Variants in PPP3CB observed in about 807,000 individuals in gnomAD.
PPP3CB encodes protein phosphatase 3 catalytic subunit beta.
In PPP3CB, 8 loss-of-function variants were observed where a neutral mutation model predicts 66.4. The observed-to-expected ratio is 0.12, with a 90% confidence interval of 0.07 to 0.22. The LOEUF (loss-of-function observed/expected upper bound fraction) is 0.22. PPP3CB is among the 10% of genes least tolerant of loss of function. The probability of loss-of-function intolerance (pLI) is 1.00; values close to 1 mark genes in which losing one functional copy is unlikely to be tolerated. For missense variants in PPP3CB, 319 were observed against 642.5 expected (o/e 0.50, Z 5.44); for synonymous variants, 208 against 221.2 (o/e 0.94, Z 0.53).
chr10:73,480,362 C>G (rs1017324641), intron 1 of PPP3CB, among the ~76,000 whole-genome samples: 1 of 151,924 alleles, frequency 6.6e-6, no homozygotes, highest in South Asian at 2.1e-4. Context: ...AAATCATACT[C>G]ATTTCCACCT....
chr10:73,437,010 G>C lies in PPP3CB; in HGVS notation c.*1232C>G, dbSNP rs1427103781. Reference sequence around the variant, plus strand: ...AGGGAAGCAGGCCACCAAAGTAAAGGGAAATACCAAACTACAGTGGCAATC... The same window carrying C: ...AGGGAAGCAGGCCACCAAAGTAAAGCGAAATACCAAACTACAGTGGCAATC... On this transcript the variant is annotated 3_prime_UTR_variant, in exon 14 of 14. Coordinates refer to ENST00000360663, the MANE Select transcript of PPP3CB (RefSeq NM_021132.4). The C allele has an allele frequency of 1.3e-5, 2 of 152,578 alleles. No homozygotes were observed. Among genetic ancestry groups the C allele is most frequent in the Non-Finnish European group, 2.9e-5 (2 of 68,032 alleles). 9.5% of individuals were successfully genotyped at this position (152,578 alleles called of 1,614,324 possible).
intron 13 of PPP3CB, 100 bp from the exon 14 acceptor site, chr10:73,438,520 G>GT: frequency 1.9e-6 from 2 of 1,030,202 alleles, no homozygotes; most frequent in East Asian, 2.5e-5. Context: ...ATTAGTAGCT[G>GT]TAAGTAGCAA....
intron 3 of PPP3CB, 145 bp from the exon 4 acceptor site, chr10:73,475,175 A>C: frequency 8.6e-7 from 1 of 1,164,622 alleles, no homozygotes; most frequent in African/African-American, 1.6e-5. Flanking sequence ...CCACAAAATC[A>C]CAGATTTTGT....
chr10:73,479,551 A>T, intron 1 of PPP3CB, 34 bp from the exon 2 acceptor site: 1 of 1,575,218 alleles, frequency 6.3e-7, no homozygotes, highest in South Asian at 1.1e-5. Context: ...AAGATAAGTC[A>T]CCAAAAATAC....
chr10:73,450,994 A>G (rs1259406421), intron 10 of PPP3CB, among the ~76,000 whole-genome samples: 2 of 152,158 alleles, frequency 1.3e-5, no homozygotes, highest in Non-Finnish European at 2.9e-5. Context: ...TCATTAGAAT[A>G]TAATAAAATT....
intron 1 of PPP3CB, among the ~76,000 whole-genome samples, chr10:73,480,137 T>C (rs1377869328): frequency 6.6e-6 from 1 of 152,212 alleles, no homozygotes; most frequent in African/African-American, 2.4e-5. Context: ...CTTTTAGAGA[T>C]ATAGACCAAA....
intron 12 of PPP3CB, 127 bp from the exon 13 acceptor site, chr10:73,440,028 T>A (rs2056120552): frequency 1.0e-6 from 1 of 996,220 alleles, no homozygotes; most frequent in Non-Finnish European, 1.5e-6. Context: ...CATTTAAAAT[T>A]TAACATAAAT....
At chr10:73,449,955 C>T (rs2132806298) in intron 10 of PPP3CB, among the ~76,000 whole-genome samples, 1 of 152,250 alleles carries the variant, frequency 6.6e-6, no homozygotes, top group East Asian at 1.9e-4. Flanking sequence ...ACCACCATGC[C>T]TGGCTAATTT....
intron 9 of PPP3CB, among the ~76,000 whole-genome samples, chr10:73,460,717 T>C (rs2056506760): frequency 6.6e-6 from 1 of 152,126 alleles, no homozygotes; most frequent in Non-Finnish European, 1.5e-5. Flanking sequence ...GAGGAAAGAA[T>C]AGTTTTGGGG....
intron 3 of PPP3CB, among the ~76,000 whole-genome samples, chr10:73,477,919 A>C (rs2056817841): frequency 6.6e-6 from 1 of 152,170 alleles, no homozygotes; most frequent in African/African-American, 2.4e-5. Context: ...CCTGTCTCAA[A>C]AAAAAAGAAA....
Position 73,495,731 on chromosome 10 carries a change from G to A in PPP3CB, c.85+74C>T, listed in dbSNP as rs201720349. 1.1e-3 allele frequency: 1,738 copies of A among 1,517,514 alleles called. 3 individuals carry two copies. Among genetic ancestry groups the A allele is most frequent in the Non-Finnish European group, 1.4e-3 (1,592 of 1,127,712 alleles). The allele number at this position is 1,517,514 out of a possible 1,614,324, so 94.0% of individuals were successfully genotyped here. A position where few individuals can be genotyped will look rare whatever the true frequency, so the allele number is the denominator to read the frequency against. On this transcript the variant is annotated intron_variant, in intron 1 of 13. Coordinates refer to ENST00000360663, the MANE Select transcript of PPP3CB (RefSeq NM_021132.4). ...CGCCCTTCCGGGCCCACTCCCGAGGGGACGGTCTCCCGCCCGCCCTCACAC... is the reference window on the plus strand; with the variant it reads ...CGCCCTTCCGGGCCCACTCCCGAGGAGACGGTCTCCCGCCCGCCCTCACAC...
intron 12 of PPP3CB, among the ~76,000 whole-genome samples, chr10:73,443,263 AGAG>A (rs2056183754): frequency 4.3e-5 from 6 of 138,696 alleles, no homozygotes; most frequent in African/African-American, 1.8e-4. Flanking sequence ...AGAGAGAGAG[AGAG>A]AGAAAGAAAG....
chr10:73,475,606 G>A (rs1385495111), intron 3 of PPP3CB, among the ~76,000 whole-genome samples: 1 of 152,100 alleles, frequency 6.6e-6, no homozygotes, highest in African/African-American at 2.4e-5. Context: ...ATGAAGGGAA[G>A]GTCCATGTTT....
At chr10:73,455,929 A>C (rs2056420153) in intron 9 of PPP3CB, among the ~76,000 whole-genome samples, 3 of 152,228 alleles carry the variant, frequency 2.0e-5, no homozygotes, top group Non-Finnish European at 4.4e-5. Context: ...TGAAAACTTC[A>C]TGAGTGTAGG....
At chr10:73,487,335 G>A (rs2056995614) in intron 1 of PPP3CB, among the ~76,000 whole-genome samples, 1 of 151,994 alleles carries the variant, frequency 6.6e-6, no homozygotes, top group Non-Finnish European at 1.5e-5. Context: ...ATCGCTTGAG[G>A]TCAGGAGTTT....
chr10:73,440,807 A>C (rs962244095), intron 12 of PPP3CB, among the ~76,000 whole-genome samples: 1 of 152,234 alleles, frequency 6.6e-6, no homozygotes, highest in Non-Finnish European at 1.5e-5. Context: ...CACATAGGTC[A>C]TATTATAAAT....
chr10:73,445,016 AG>A (rs1797440067), intron 11 of PPP3CB, among the ~76,000 whole-genome samples, 194 bp from the exon 12 acceptor site: 1 of 152,222 alleles, frequency 6.6e-6, no homozygotes, highest in Admixed American at 6.5e-5. Flanking sequence ...CTTACCATTG[AG>A]GCATATATTG....
intron 9 of PPP3CB, among the ~76,000 whole-genome samples, chr10:73,456,514 C>T (rs1413397677): frequency 6.6e-6 from 1 of 152,052 alleles, no homozygotes; most frequent in Non-Finnish European, 1.5e-5. Context: ...ACAGAGAGTC[C>T]AGAAAGAAAA....
At chr10:73,463,280 C>A (rs1045736918) in intron 9 of PPP3CB, among the ~76,000 whole-genome samples, 4 of 152,192 alleles carry the variant, frequency 2.6e-5, no homozygotes, top group African/African-American at 9.7e-5. Flanking sequence ...CATAACAGGT[C>A]TCTCAACGTC....
Sources: gnomAD v4.1 joint callset for allele counts (sites outside exome capture counted in the v4.1 genomes callset) on GRCh38, gnomAD v4.1.1 for gene constraint, MANE v1.5 for transcripts, NCBI Gene and HGNC (gene_info 2026-07-23, HGNC 2026-07-21) for gene names.